SHISA9: variants seen among roughly 807,000 people sequenced by gnomAD.
SHISA9 encodes shisa family member 9.
A neutral mutation model predicts 38.0 loss-of-function variants in SHISA9; 13 were observed. That is an observed-to-expected ratio of 0.34 (90% CI 0.22 to 0.54). The LOEUF (loss-of-function observed/expected upper bound fraction) is 0.54, where lower values mean the gene tolerates loss of function less well. Ranked by LOEUF, SHISA9 falls within the 20% of genes least tolerant of loss-of-function variation. SHISA9 has a pLI of 0.91. For synonymous variants in SHISA9, 275 were observed against 242.0 expected, an observed-to-expected ratio of 1.14 and a Z score of -1.27; for missense variants, 538 against 575.8, an observed-to-expected ratio of 0.93 and a Z score of 0.67.
chr16:13,273,035 A>G, the SHISA9 span, among the ~76,000 whole-genome samples: 42,768 of 152,040 alleles, frequency 0.28, 7,065 homozygotes, highest in Admixed American at 0.42. Context: ...AGCAGTGGCA[A>G]TGATGTATCC....
At chr16:13,278,915 A>T in the SHISA9 span, among the ~76,000 whole-genome samples, 1 of 151,756 alleles carries the variant, frequency 6.6e-6, no homozygotes, top group African/African-American at 2.4e-5. Context: ...AATTTCATTT[A>T]GTTCTGCTCT....
the SHISA9 span, among the ~76,000 whole-genome samples, chr16:13,557,544 C>T: frequency 1.8e-4 from 27 of 152,132 alleles, no homozygotes; most frequent in African/African-American, 6.0e-4. Flanking sequence ...TTAATGTGTC[C>T]GGGAGACAAC....
At chr16:13,527,374 T>C in the SHISA9 span, among the ~76,000 whole-genome samples, 2 of 152,170 alleles carry the variant, frequency 1.3e-5, no homozygotes, top group African/African-American at 4.8e-5. Context: ...TAGACGCAGA[T>C]AATTGGGCTA....
chr16:13,333,048 C>G, the SHISA9 span, among the ~76,000 whole-genome samples: 8 of 152,318 alleles, frequency 5.3e-5, no homozygotes, highest in East Asian at 1.9e-4. Flanking sequence ...CTGCCGTGCC[C>G]GTCGAAGTCA....
chr16:13,246,371 C>G, the SHISA9 span: 1 of 152,236 alleles, frequency 6.6e-6, no homozygotes, highest in Non-Finnish European at 1.5e-5. Context: ...ATTATGAGGC[C>G]TCCCGAGCCA....
chr16:13,204,337 A>G (rs889455891), intron 3 of SHISA9, among the ~76,000 whole-genome samples: 10 of 152,090 alleles, frequency 6.6e-5, no homozygotes, highest in South Asian at 2.1e-4. Context: ...AACAAGTTCT[A>G]CATTGCTGTG....
the SHISA9 span, among the ~76,000 whole-genome samples, chr16:13,532,443 C>CA: frequency 2.7e-4 from 41 of 152,276 alleles, 1 homozygote; most frequent in East Asian, 7.0e-3. Context: ...GTTCCAGACT[C>CA]AGACTGACCT....
intron 1 of SHISA9, chr16:12,911,323 G>T: frequency 1.0e-6 from 1 of 985,398 alleles, no homozygotes; most frequent in Non-Finnish European, 1.2e-6. Flanking sequence ...CATTTGTGTG[G>T]CTTGGAGCAC....
the SHISA9 span, among the ~76,000 whole-genome samples, chr16:13,557,003 G>T: frequency 6.6e-6 from 1 of 152,168 alleles, no homozygotes. Flanking sequence ...ATCCCCTCCA[G>T]TACTGAGGGG....
At chr16:12,972,479 A>G (rs1191460009) in intron 2 of SHISA9, among the ~76,000 whole-genome samples, 1 of 152,206 alleles carries the variant, frequency 6.6e-6, no homozygotes, top group African/African-American at 2.4e-5. Flanking sequence ...TGTTGGAAGG[A>G]TGAATCATAC....
chr16:13,015,935 T>TCCCC, intron 2 of SHISA9, among the ~76,000 whole-genome samples: 1 of 51,366 alleles, frequency 1.9e-5, no homozygotes, highest in Non-Finnish European at 4.3e-5. Context: ...CCTTCCTTCT[T>TCCCC]TCCTTCCTTC....
intron 2 of SHISA9, among the ~76,000 whole-genome samples, chr16:13,063,030 G>A (rs539709531): frequency 7.9e-5 from 12 of 151,746 alleles, no homozygotes; most frequent in East Asian, 3.9e-4. Context: ...TTTTTGAGAC[G>A]GAGTCTTGCT....
the SHISA9 span, among the ~76,000 whole-genome samples, chr16:13,522,216 G>T: frequency 3.3e-5 from 5 of 152,196 alleles, no homozygotes; most frequent in Non-Finnish European, 5.9e-5. Flanking sequence ...TTTTGACTTG[G>T]AGAAGATTTT....
In SHISA9 at chr16:12,948,084, A is replaced by G. The variant is rs376354361; in HGVS notation, c.691+31269A>G. On this transcript the variant is annotated intron_variant, in intron 2 of 4. Coordinates refer to ENST00000558583, the MANE Select transcript of SHISA9 (RefSeq NM_001145204.3). ...TGTACTAGACAATGTGTGCCAAACCAATTGTGTGCCAGGATTTGTGTTTAA... is the reference window on the plus strand; with the variant it reads ...TGTACTAGACAATGTGTGCCAAACCGATTGTGTGCCAGGATTTGTGTTTAA... Among the ~76,000 whole-genome samples the G allele has an allele frequency of 7.9e-5, 12 of 152,258 alleles. 1 individual carries two copies. The East Asian group carries it at 1.4e-3, about 17-fold the overall frequency.
At chr16:12,977,697 C>T (rs944349653) in intron 2 of SHISA9, among the ~76,000 whole-genome samples, 5 of 151,970 alleles carry the variant, frequency 3.3e-5, no homozygotes, top group Non-Finnish European at 5.9e-5. Flanking sequence ...AGCCATTATC[C>T]TCAGCAAACT....
intron 2 of SHISA9, among the ~76,000 whole-genome samples, chr16:12,972,041 T>G (rs199560839): frequency 1.4e-5 from 2 of 141,948 alleles, no homozygotes; most frequent in Non-Finnish European, 3.1e-5. Flanking sequence ...CTCTTGGAGT[T>G]TGTGTGTGTG....
chr16:13,376,644 G>A, the SHISA9 span, among the ~76,000 whole-genome samples: 1 of 152,014 alleles, frequency 6.6e-6, no homozygotes, highest in Admixed American at 6.6e-5. Flanking sequence ...TGTTTCCAGG[G>A]GTGGAGCTGA....
intron 2 of SHISA9, among the ~76,000 whole-genome samples, chr16:13,079,399 A>G (rs574059106): frequency 4.1e-4 from 62 of 152,316 alleles, no homozygotes; most frequent in Non-Finnish European, 6.5e-4. Flanking sequence ...CTTTTACTAT[A>G]TATGATTGTT....
chr16:13,236,065 A>C lies in SHISA9; in HGVS notation c.*656A>C, dbSNP rs574349373. 5 of 152,290 alleles carry C rather than the reference A, an allele frequency of 3.3e-5. No homozygotes were observed. The East Asian group carries it at 9.7e-4, about 29-fold the overall frequency. The allele number at this position is 152,290 out of a possible 1,614,324, so 9.4% of individuals were successfully genotyped here. A position where few individuals can be genotyped will look rare whatever the true frequency, so the allele number is the denominator to read the frequency against. On this transcript the variant is annotated 3_prime_UTR_variant, in exon 5 of 5. Transcript: ENST00000558583. The stretch of plus-strand genomic sequence containing the variant: ...TTCATATCATCCATGTTGAAAGCAA[A>C]AAACAACACACCCTCAAACTCACAG...
Sources: allele counts gnomAD v4.1 joint callset (sites outside exome capture counted in the v4.1 genomes callset), GRCh38; gene constraint gnomAD v4.1.1; transcripts MANE v1.5; gene names NCBI Gene and HGNC (gene_info 2026-07-23, HGNC 2026-07-21).